ADCK1: variants seen among roughly 807,000 people sequenced by gnomAD.
ADCK1 encodes the protein aarF domain-containing protein kinase 1.
ADCK1 carries 41 observed loss-of-function variants against 52.3 expected under a neutral mutation model. The ratio of observed to expected loss-of-function variants is 0.78; its 90% CI spans 0.61 to 1.02. The LOEUF is 1.02. Among genes scored for constraint, ADCK1 ranks in the 50% least tolerant of loss-of-function variants. The pLI is 0.00. For synonymous variants in ADCK1, 250 were observed against 274.6 expected (o/e 0.91, Z 0.89); for missense variants, 658 against 679.5 (o/e 0.97, Z 0.35).
intron 9 of ADCK1, among the ~76,000 whole-genome samples, 171 bp from the exon 10 acceptor site, chr14:77,931,347 T>C (rs1159372871): frequency 6.6e-6 from 1 of 152,216 alleles, no homozygotes; most frequent in Admixed American, 6.5e-5. Flanking sequence ...CAGTGCCTTG[T>C]GCTAGACTTC....
intron 3 of ADCK1, among the ~76,000 whole-genome samples, chr14:77,832,491 C>A (rs2081877130): frequency 6.6e-6 from 1 of 152,240 alleles, no homozygotes; most frequent in Non-Finnish European, 1.5e-5. Context: ...CTGGCTGCTG[C>A]TGCTGGAGTC....
intron 4 of ADCK1, among the ~76,000 whole-genome samples, chr14:77,871,881 T>A (rs1424688565): frequency 6.6e-6 from 1 of 152,174 alleles, no homozygotes; most frequent in Non-Finnish European, 1.5e-5. Flanking sequence ...AGGCCAGAGA[T>A]GTTAGGTCTC....
chr14:77,853,211 C>T (rs1274966396), intron 3 of ADCK1, among the ~76,000 whole-genome samples: 2 of 151,944 alleles, frequency 1.3e-5, no homozygotes, highest in Middle Eastern at 3.4e-3. Flanking sequence ...CCTCTGCCTC[C>T]TGGTCTCAAG....
At chr14:77,893,422 C>T (rs1180294893) in intron 5 of ADCK1, among the ~76,000 whole-genome samples, 1 of 152,118 alleles carries the variant, frequency 6.6e-6, no homozygotes, top group East Asian at 1.9e-4. Context: ...AGGTCCTAAT[C>T]ACCCTGTATC....
chr14:77,828,316 C>T (rs994955635), intron 3 of ADCK1, among the ~76,000 whole-genome samples: 11 of 152,084 alleles, frequency 7.2e-5, no homozygotes, highest in African/African-American at 2.4e-4. Flanking sequence ...GCCCCTGTTC[C>T]GTTTATAAGA....
intron 1 of ADCK1, among the ~76,000 whole-genome samples, chr14:77,802,571 C>G (rs2081133354): frequency 1.3e-5 from 2 of 151,366 alleles, no homozygotes; most frequent in African/African-American, 4.9e-5. Context: ...TTGCTTCAGC[C>G]TCCCGGGATT....
intron 2 of ADCK1, among the ~76,000 whole-genome samples, chr14:77,821,469 C>T (rs902951701): frequency 6.6e-6 from 1 of 152,122 alleles, no homozygotes; most frequent in Non-Finnish European, 1.5e-5. Context: ...GTCCCAGTTA[C>T]TCAATTCTAT....
intron 6 of ADCK1, 55 bp from the exon 7 acceptor site, chr14:77,907,748 C>A: frequency 1.4e-6 from 2 of 1,393,222 alleles, no homozygotes; most frequent in Non-Finnish European, 2.0e-6. Flanking sequence ...ACATTGTCAT[C>A]CTTGCCCGAT....
At chr14:77,875,724 A>G (rs556794050) in intron 4 of ADCK1, among the ~76,000 whole-genome samples, 1 of 152,010 alleles carries the variant, frequency 6.6e-6, no homozygotes, top group East Asian at 1.9e-4. Context: ...GCTCCTTGGG[A>G]AGAGAGGAAG....
At chr14:77,853,139 A>G (rs189078600) in intron 3 of ADCK1, among the ~76,000 whole-genome samples, 40 of 150,646 alleles carry the variant, frequency 2.7e-4, no homozygotes, top group Admixed American at 2.3e-3. Flanking sequence ...TTTCATCTCT[A>G]AAAGTTTGAT....
At chr14:77,804,607 G>A (rs2081180042) in intron 1 of ADCK1, among the ~76,000 whole-genome samples, 1 of 151,528 alleles carries the variant, frequency 6.6e-6, no homozygotes, top group South Asian at 2.1e-4. Flanking sequence ...CAGGGGCTGG[G>A]AGGTGGTGTT....
chr14:77,912,263 C>T (rs752931900), intron 7 of ADCK1, among the ~76,000 whole-genome samples: 4 of 152,104 alleles, frequency 2.6e-5, no homozygotes, highest in Admixed American at 6.6e-5. Flanking sequence ...TAAATACTTC[C>T]GCAGAAACCC....
chr14:77,877,660 A>G (rs1289070250), intron 4 of ADCK1, among the ~76,000 whole-genome samples: 2 of 152,206 alleles, frequency 1.3e-5, no homozygotes, highest in African/African-American at 4.8e-5. Context: ...TGGTTCACAC[A>G]TGCTGTTCCC....
chr14:77,909,127 C>CTT (rs55821210), intron 7 of ADCK1, among the ~76,000 whole-genome samples: 3,401 of 103,208 alleles, frequency 0.033, 207 homozygotes, highest in African/African-American at 0.11. Flanking sequence ...GAGGTAAATG[C>CTT]TTTTTTTTTT....
At chr14:77,811,725 C>T (rs550954245) in intron 1 of ADCK1, among the ~76,000 whole-genome samples, 180 of 152,214 alleles carry the variant, frequency 1.2e-3, no homozygotes, top group African/African-American at 4.1e-3. Context: ...GGGAGGATTG[C>T]CTGAGCCCAG....
At chr14:77,810,718 A>G (rs1038725199) in intron 1 of ADCK1, among the ~76,000 whole-genome samples, 12 of 151,950 alleles carry the variant, frequency 7.9e-5, no homozygotes, top group African/African-American at 2.9e-4. Flanking sequence ...TTTTTAGTAG[A>G]GACGGGGTTT....
chr14:77,817,739 C>CTT (rs774038186), intron 1 of ADCK1, among the ~76,000 whole-genome samples: 9 of 144,508 alleles, frequency 6.2e-5, no homozygotes, highest in Non-Finnish European at 4.6e-5. Context: ...GGGTAGTCTT[C>CTT]TTTTTTTTTT....
intron 7 of ADCK1, among the ~76,000 whole-genome samples, chr14:77,922,754 T>C (rs2084093034): frequency 6.6e-6 from 1 of 152,228 alleles, no homozygotes; most frequent in African/African-American, 2.4e-5. Flanking sequence ...TGAATCAGTT[T>C]CACATCTGCA....
intron 5 of ADCK1, among the ~76,000 whole-genome samples, chr14:77,896,383 C>T (rs2083409006): frequency 6.6e-6 from 1 of 152,234 alleles, no homozygotes; most frequent in African/African-American, 2.4e-5. Context: ...GGAGGGTAAT[C>T]AGTAAATATT....
Sources: allele counts gnomAD v4.1 joint callset (sites outside exome capture counted in the v4.1 genomes callset), GRCh38; gene constraint gnomAD v4.1.1; transcripts MANE v1.5; gene names NCBI Gene and HGNC (gene_info 2026-07-23, HGNC 2026-07-21).